Variants in GREM2 observed in about 807,000 individuals in gnomAD.
The protein encoded by GREM2 is gremlin 2, DAN family BMP antagonist.
In GREM2, 11 loss-of-function variants were observed where a neutral mutation model predicts 14.2. The observed-to-expected ratio is 0.78, with a 90% CI of 0.49 to 1.28. The LOEUF (loss-of-function observed/expected upper bound fraction) is 1.28, where lower values mean the gene tolerates loss of function less well. Ranked by LOEUF, GREM2 falls within the 50% of genes most tolerant of loss-of-function variation. The pLI is 0.00. For missense variants in GREM2, 210 were observed against 218.5 expected (o/e 0.96, Z 0.24); for synonymous variants, 98 against 97.6 (o/e 1.00, Z -0.02).
At chr1:240,548,770 T>A (rs551684134) in intron 1 of GREM2, among the ~76,000 whole-genome samples, 2 of 152,188 alleles carry the variant, frequency 1.3e-5, no homozygotes, top group Non-Finnish European at 1.5e-5. Context: ...AGGCTGTGAA[T>A]AATGAATGCT....
chr1:240,569,766 T>A lies in GREM2; in HGVS notation c.-2+42118A>T, dbSNP rs144025864. Among the ~76,000 whole-genome samples the A allele has an allele frequency of 4.7e-3, 719 of 152,266 alleles. 7 individuals carry two copies. Among genetic ancestry groups the A allele is most frequent in the African/African-American group, 0.017 (688 of 41,558 alleles). On this transcript the variant is annotated intron_variant, in intron 1 of 1. Coordinates refer to ENST00000318160, the MANE Select transcript of GREM2 (RefSeq NM_022469.4). ...TCACATAAGAAAAAGAAAGGAAAGGTTTGCGACCCTGTGTTAGGAGATTTC... is the reference window on the plus strand; with the variant it reads ...TCACATAAGAAAAAGAAAGGAAAGGATTGCGACCCTGTGTTAGGAGATTTC...
intron 1 of GREM2, among the ~76,000 whole-genome samples, chr1:240,546,579 G>A (rs1402585698): frequency 2.6e-5 from 4 of 152,120 alleles, no homozygotes; most frequent in East Asian, 3.9e-4. Context: ...CAATCTATAC[G>A]TAGTTGTTAG....
intron 1 of GREM2, among the ~76,000 whole-genome samples, chr1:240,559,638 C>A (rs946281523): frequency 1.3e-5 from 2 of 152,148 alleles, no homozygotes; most frequent in Admixed American, 1.3e-4. Flanking sequence ...GCCACTGCGC[C>A]TGGCCAAAAA....
chr1:240,500,427 T>A (rs1298293543), intron 1 of GREM2, among the ~76,000 whole-genome samples: 2 of 151,846 alleles, frequency 1.3e-5, no homozygotes, highest in African/African-American at 2.4e-5. Flanking sequence ...GCCTCCCGAG[T>A]AACTGGGACT....
At chr1:240,513,647 G>T (rs1677886772) in intron 1 of GREM2, among the ~76,000 whole-genome samples, 1 of 151,790 alleles carries the variant, frequency 6.6e-6, no homozygotes, top group Non-Finnish European at 1.5e-5. Flanking sequence ...GTGCGAGGGG[G>T]CCAGTATCCA....
intron 1 of GREM2, among the ~76,000 whole-genome samples, chr1:240,499,306 G>T (rs1406717791): frequency 6.6e-6 from 1 of 152,176 alleles, no homozygotes; most frequent in Non-Finnish European, 1.5e-5. Context: ...AATCAAGTTA[G>T]CCCTGGGCTG....
At chr1:240,594,071 G>A (rs911086855) in intron 1 of GREM2, among the ~76,000 whole-genome samples, 6 of 151,820 alleles carry the variant, frequency 4.0e-5, no homozygotes, top group African/African-American at 1.2e-4. Context: ...CTCCTGCTGC[G>A]GCCTTTCAAG....
chr1:240,606,104 C>T (rs1017658789), intron 1 of GREM2, among the ~76,000 whole-genome samples: 1 of 152,074 alleles, frequency 6.6e-6, no homozygotes, highest in East Asian at 1.9e-4. Flanking sequence ...TTTTTGAAGA[C>T]TGTGTCTTTC....
intron 1 of GREM2, among the ~76,000 whole-genome samples, chr1:240,575,992 A>C (rs887826919): frequency 1.3e-5 from 2 of 152,184 alleles, no homozygotes. Flanking sequence ...CCCGAGAAAG[A>C]AAAGAAATGT....
chr1:240,535,418 G>T (rs1482235123), intron 1 of GREM2, among the ~76,000 whole-genome samples: 1 of 152,142 alleles, frequency 6.6e-6, no homozygotes, highest in Non-Finnish European at 1.5e-5. Flanking sequence ...AAAGAAGAAA[G>T]ATAGTACAAA....
At chr1:240,545,536 G>C (rs1157808938) in intron 1 of GREM2, among the ~76,000 whole-genome samples, 5 of 117,090 alleles carry the variant, frequency 4.3e-5, no homozygotes, top group African/African-American at 2.0e-4. Flanking sequence ...AAAGGGTCAG[G>C]AGCACAGGAG....
chr1:240,530,916 C>T (rs1678342397), intron 1 of GREM2: 1 of 152,106 alleles, frequency 6.6e-6, no homozygotes, highest in Admixed American at 6.5e-5. Flanking sequence ...TGGAAAATCA[C>T]AATGCTTTCT....
chr1:240,535,062 G>A (rs1269551581), intron 1 of GREM2, among the ~76,000 whole-genome samples: 1 of 152,044 alleles, frequency 6.6e-6, no homozygotes, highest in African/African-American at 2.4e-5. Context: ...TCCAAGAGAG[G>A]ACTCTGTGTA....
rs150503422 is a variant in GREM2 at position 240,521,200 on chromosome 1, A to G, written c.-1-27724T>C. Among the ~76,000 whole-genome samples, 35 of 152,264 alleles carry G rather than the reference A, an allele frequency of 2.3e-4. 1 individual carries two copies. In the East Asian group the frequency reaches 6.6e-3, roughly 29 times the overall value. ...GTCTTGTGAGTGATGGAAGCAGCTTATAGATGTCCACACACAAAGACCTTA... is the reference window on the plus strand; with the variant it reads ...GTCTTGTGAGTGATGGAAGCAGCTTGTAGATGTCCACACACAAAGACCTTA... On this transcript the variant is annotated intron_variant, in intron 1 of 1. Coordinates refer to ENST00000318160, the MANE Select transcript of GREM2 (RefSeq NM_022469.4).
chr1:240,567,017 A>C (rs556237077), intron 1 of GREM2, among the ~76,000 whole-genome samples: 1 of 152,324 alleles, frequency 6.6e-6, no homozygotes. Context: ...AAATATAAAA[A>C]GTCTCAAACT....
chr1:240,581,020 C>T (rs376672563), intron 1 of GREM2, among the ~76,000 whole-genome samples: 2 of 152,098 alleles, frequency 1.3e-5, no homozygotes, highest in African/African-American at 2.4e-5. Context: ...GAGGCTGAGG[C>T]GGGTAGATCA....
intron 1 of GREM2, among the ~76,000 whole-genome samples, chr1:240,562,788 T>C (rs1558163796): frequency 2.1e-5 from 3 of 144,240 alleles, no homozygotes; most frequent in Admixed American, 6.9e-5. Context: ...TGAGTGTGTA[T>C]GTGTGTATGT....
chr1:240,609,936 A>G (rs1680101289), intron 1 of GREM2, among the ~76,000 whole-genome samples: 1 of 152,170 alleles, frequency 6.6e-6, no homozygotes, highest in South Asian at 2.1e-4. Flanking sequence ...ACTAAGATTC[A>G]TAGAGAATGA....
chr1:240,498,471 A>C (rs1354260096), intron 1 of GREM2, among the ~76,000 whole-genome samples: 1 of 152,166 alleles, frequency 6.6e-6, no homozygotes, highest in Non-Finnish European at 1.5e-5. Flanking sequence ...AGTGACTGTG[A>C]GGCTGTATCC....
Sources: gnomAD v4.1 joint callset for allele counts (sites outside exome capture counted in the v4.1 genomes callset) on GRCh38, gnomAD v4.1.1 for gene constraint, MANE v1.5 for transcripts, NCBI Gene and HGNC (gene_info 2026-07-23, HGNC 2026-07-21) for gene names.